The following SND1 variants were observed in gnomAD, a reference collection of about 807,000 sequenced individuals.
SND1 encodes staphylococcal nuclease domain-containing protein 1.
Under a neutral mutation model 121.7 loss-of-function variants are expected in SND1, and 38 were observed. The ratio of observed to expected loss-of-function variants is 0.31; its 90% CI spans 0.24 to 0.41. The LOEUF (loss-of-function observed/expected upper bound fraction) is 0.41. Ranked by LOEUF, SND1 falls within the 10% of genes least tolerant of loss-of-function variation. The pLI, the probability that SND1 is intolerant of heterozygous loss-of-function variation, is 1.00. For synonymous variants in SND1, 401 were observed against 447.4 expected (o/e 0.90, Z 1.31); for missense variants, 868 against 1,184.6 (o/e 0.73, Z 3.92).
chr7:127,816,371 C>G (rs1434387817), intron 11 of SND1, among the ~76,000 whole-genome samples: 2 of 152,214 alleles, frequency 1.3e-5, no homozygotes, highest in Non-Finnish European at 2.9e-5. Context: ...TTATGTGGCA[C>G]TGTGCAGGAA....
chr7:127,863,991 C>T (rs182962053), intron 12 of SND1, among the ~76,000 whole-genome samples: 11 of 152,250 alleles, frequency 7.2e-5, no homozygotes. Context: ...AAAAGTACCT[C>T]AAGAAGTGTC....
At chr7:127,695,156 C>T (rs754379903) in intron 3 of SND1, among the ~76,000 whole-genome samples, 1 of 152,136 alleles carries the variant, frequency 6.6e-6, no homozygotes, top group East Asian at 1.9e-4. Context: ...CTTGTGTACC[C>T]CTTTTCCTGC....
intron 10 of SND1, among the ~76,000 whole-genome samples, chr7:127,803,261 C>A (rs919577668): frequency 6.6e-6 from 1 of 152,122 alleles, no homozygotes; most frequent in Non-Finnish European, 1.5e-5. Context: ...AATCTCAGTG[C>A]GGCCTGCCCT....
chr7:127,789,493 C>T (rs912628085), intron 10 of SND1, among the ~76,000 whole-genome samples: 2 of 152,110 alleles, frequency 1.3e-5, no homozygotes, highest in African/African-American at 2.4e-5. Context: ...TTTCTCACTG[C>T]GGAAGAGAGA....
At chr7:127,834,509 C>T (rs989142707) in intron 11 of SND1, among the ~76,000 whole-genome samples, 1 of 152,118 alleles carries the variant, frequency 6.6e-6, no homozygotes, top group Non-Finnish European at 1.5e-5. Context: ...GGTCTTTGAT[C>T]GGTGTCTGTG....
At chr7:127,941,967 G>A (rs539810342) in intron 15 of SND1, among the ~76,000 whole-genome samples, 4 of 142,164 alleles carry the variant, frequency 2.8e-5, no homozygotes, top group Admixed American at 2.2e-4. Context: ...AAGTGCTAAC[G>A]ACAGACCAGC....
At chr7:127,820,060 T>C (rs535954462) in intron 11 of SND1, among the ~76,000 whole-genome samples, 12 of 152,344 alleles carry the variant, frequency 7.9e-5, no homozygotes, top group African/African-American at 2.9e-4. Context: ...TTGAATTCAT[T>C]CTTTCTCCAC....
chr7:127,783,686 T>C (rs1228636996), intron 10 of SND1, among the ~76,000 whole-genome samples: 1 of 152,234 alleles, frequency 6.6e-6, no homozygotes, highest in East Asian at 1.9e-4. Context: ...TTAGCTCTTT[T>C]GCTTCATGTG....
At chr7:128,032,205 CGCCGGCGCCTTCCAGCGCCGCGCCG>C (rs1472981829) in intron 16 of SND1, 110 of 151,918 alleles carry the variant, frequency 7.2e-4, no homozygotes, top group Middle Eastern at 3.4e-3. Context: ...GCGGGGTTAA[CGCCGGCGCCTTCCAGCGCCGCGCCG>C]GCCGGCGCCG....
intron 15 of SND1, among the ~76,000 whole-genome samples, chr7:127,975,384 C>CGT (rs10607765): frequency 1.2e-3 from 181 of 148,156 alleles, no homozygotes; most frequent in Middle Eastern, 3.4e-3. Flanking sequence ...TGACTCCCCT[C>CGT]GTGTGTGTGT....
chr7:127,670,344 C>G (rs1037284180), intron 1 of SND1, among the ~76,000 whole-genome samples: 5 of 151,984 alleles, frequency 3.3e-5, no homozygotes, highest in African/African-American at 1.2e-4. Context: ...TCTTGAACTC[C>G]TTGGCTCAAG....
intron 1 of SND1, among the ~76,000 whole-genome samples, chr7:127,661,502 C>T (rs937563616): frequency 1.3e-5 from 2 of 152,152 alleles, no homozygotes; most frequent in Admixed American, 6.5e-5. Context: ...TCTCCTGTTT[C>T]TTATTCATAG....
intron 16 of SND1, among the ~76,000 whole-genome samples, chr7:128,061,305 T>A (rs1793227414): frequency 6.6e-6 from 1 of 152,202 alleles, no homozygotes; most frequent in African/African-American, 2.4e-5. Flanking sequence ...TCACTAATAT[T>A]TCTCCGTATC....
chr7:127,808,537 C>A (rs1011260905), intron 11 of SND1, among the ~76,000 whole-genome samples: 4 of 152,146 alleles, frequency 2.6e-5, no homozygotes, highest in African/African-American at 9.7e-5. Context: ...TAAATACAAC[C>A]ATTTTTATTG....
intron 17 of SND1, among the ~76,000 whole-genome samples, chr7:128,076,243 G>A (rs1793504901): frequency 6.6e-6 from 1 of 152,198 alleles, no homozygotes. Context: ...GCTGAACTCA[G>A]CATCGTTATT....
chr7:127,880,389 T>C (rs1799767973), intron 12 of SND1, among the ~76,000 whole-genome samples: 1 of 152,156 alleles, frequency 6.6e-6, no homozygotes, highest in African/African-American at 2.4e-5. Flanking sequence ...ACTGGGGGTC[T>C]TGGAGCATAT....
At chr7:127,679,328 A>G (rs1218368022) in intron 1 of SND1, 1 of 152,148 alleles carries the variant, frequency 6.6e-6, no homozygotes, top group Admixed American at 6.5e-5. Context: ...TTTTTTTGTT[A>G]ATGTTTTTCA....
chr7:127,867,409 T>TA (rs1348752425), intron 12 of SND1, among the ~76,000 whole-genome samples: 1 of 152,200 alleles, frequency 6.6e-6, no homozygotes, highest in African/African-American at 2.4e-5. Flanking sequence ...TCCCTCTTCT[T>TA]ACCACTATTC....
chr7:127,665,446 C>T (rs975783975), intron 1 of SND1, among the ~76,000 whole-genome samples: 12 of 151,998 alleles, frequency 7.9e-5, no homozygotes, highest in East Asian at 3.9e-4. Context: ...CTTGGCCTCC[C>T]GAAGTGCTGG....
Sources: gnomAD v4.1 joint callset for allele counts (sites outside exome capture counted in the v4.1 genomes callset) on GRCh38, gnomAD v4.1.1 for gene constraint, MANE v1.5 for transcripts, NCBI Gene and HGNC (gene_info 2026-07-23, HGNC 2026-07-21) for gene names.